Variants in CACNA1D observed in about 807,000 individuals in gnomAD.
CACNA1D encodes voltage-dependent L-type calcium channel subunit alpha-1D.
A neutral mutation model predicts 257.1 loss-of-function variants in CACNA1D; 55 were observed. The ratio of observed to expected loss-of-function variants is 0.21; its 90% CI spans 0.17 to 0.27. The LOEUF is 0.27. Ranked by LOEUF, CACNA1D falls within the 10% of genes least tolerant of loss-of-function variation. The pLI is 1.00. For missense variants in CACNA1D, 1,876 were observed against 2,784.0 expected, an observed-to-expected ratio of 0.67 and a Z score of 7.34; for synonymous variants, 980 against 1,014.9, an observed-to-expected ratio of 0.97 and a Z score of 0.65.
intron 20 of CACNA1D, among the ~76,000 whole-genome samples, chr3:53,737,887 T>C (rs11915963): frequency 0.081 from 12,404 of 152,268 alleles, 607 homozygotes; most frequent in Middle Eastern, 0.13. Flanking sequence ...TTTTGTAACT[T>C]AGAGATGGTG....
chr3:53,724,094 A>T, intron 14 of CACNA1D, 95 bp downstream of exon 14: 2 of 1,035,438 alleles, frequency 1.9e-6, no homozygotes, highest in Non-Finnish European at 3.0e-6. Context: ...AGACAAAAGG[A>T]CTCCATTTTT....
rs1251179916 is a variant in CACNA1D at position 53,535,577 on chromosome 3, A to G, written c.483+33857A>G. On this transcript the variant is annotated intron_variant, in intron 3 of 47. Transcript: ENST00000350061. ...AGCTCTGCATTGGATGGATCTTCTT[A>G]ATGTTTTCTGTGGAGTGGAATTAGA... Among the ~76,000 whole-genome samples the G allele has an allele frequency of 2.2e-4, 33 of 152,148 alleles. 1 individual carries two copies. The highest frequency in any genetic ancestry group is 2.2e-3 in the Admixed American group (33 of 15,268).
At chr3:53,687,394 G>C (rs990646897) in intron 8 of CACNA1D, among the ~76,000 whole-genome samples, 2 of 151,962 alleles carry the variant, frequency 1.3e-5, no homozygotes, top group African/African-American at 4.8e-5. Flanking sequence ...TACAATGTTT[G>C]ACATAAAGAT....
At chr3:53,635,614 C>T (rs79393204) in intron 3 of CACNA1D, among the ~76,000 whole-genome samples, 12,562 of 152,136 alleles carry the variant, frequency 0.083, 600 homozygotes, top group African/African-American at 0.085. Flanking sequence ...GTTTCAGCCT[C>T]TCCAGCTCCT....
Position 53,811,163 on chromosome 3 carries a change from G to A in CACNA1D, c.6243G>A (p.Val2081=). The A allele has an allele frequency of 1.9e-6, 3 of 1,614,106 alleles. No homozygotes were observed. The highest frequency in any genetic ancestry group is 2.5e-6 in the Non-Finnish European group (3 of 1,179,996). Residue 2081 remains valine (V), a synonymous_variant, in exon 48 of 48, where the codon GTG becomes GTA. Transcript: ENST00000350061. This position sits in a 1 kb window ranked among gnomAD's most constrained non-coding sequence, Gnocchi z 4.2. Reference sequence around the variant, plus strand: ...GCTATGCAAGGGACCCAAAATTTGTGTCAGCAACAAAACACGAAATCGCTG... The same window carrying A: ...GCTATGCAAGGGACCCAAAATTTGTATCAGCAACAAAACACGAAATCGCTG... ...LGRYARDPKF[V]SATKHEIADA... is the part of the protein sequence containing the mutation.
At chr3:53,552,415 CTG>C (rs1356678509) in intron 3 of CACNA1D, among the ~76,000 whole-genome samples, 1 of 152,126 alleles carries the variant, frequency 6.6e-6, no homozygotes, top group East Asian at 1.9e-4. Flanking sequence ...GAGTCTCGCT[CTG>C]TTGCCCAGGC....
chr3:53,742,173 G>A (rs2108822859), intron 21 of CACNA1D, among the ~76,000 whole-genome samples: 1 of 152,328 alleles, frequency 6.6e-6, no homozygotes, highest in African/African-American at 2.4e-5. Context: ...GTCAAAAAGG[G>A]TTGAACACTG....
intron 3 of CACNA1D, among the ~76,000 whole-genome samples, chr3:53,610,842 A>G (rs189230127): frequency 1.4e-4 from 22 of 152,108 alleles, no homozygotes; most frequent in Admixed American, 1.4e-3. Context: ...AGGGCTCTTC[A>G]TTTCTTTGCA....
At chr3:53,672,548 T>C (rs990864475) in intron 7 of CACNA1D, among the ~76,000 whole-genome samples, 1 of 152,198 alleles carries the variant, frequency 6.6e-6, no homozygotes, top group Non-Finnish European at 1.5e-5. Context: ...ATTAAGACTT[T>C]TCCACCATCA....
At chr3:53,566,435 G>T (rs1433631651) in intron 3 of CACNA1D, among the ~76,000 whole-genome samples, 3 of 152,054 alleles carry the variant, frequency 2.0e-5, no homozygotes, top group Admixed American at 6.6e-5. Context: ...TCTTCTCAGA[G>T]AGGTCCTCCC....
At chr3:53,738,415 A>G (rs2095080171) in intron 20 of CACNA1D, among the ~76,000 whole-genome samples, 1 of 152,188 alleles carries the variant, frequency 6.6e-6, no homozygotes, top group Non-Finnish European at 1.5e-5. Context: ...GGTTTTTGTT[A>G]GAGAGGGTTT....
intron 3 of CACNA1D, among the ~76,000 whole-genome samples, chr3:53,612,169 C>T (rs934653597): frequency 6.6e-6 from 1 of 151,992 alleles, no homozygotes; most frequent in Non-Finnish European, 1.5e-5. Flanking sequence ...ATTCTATTAC[C>T]TCCTCATTTC....
intron 39 of CACNA1D, chr3:53,786,538 C>T (rs2095453768): frequency 2.4e-6 from 1 of 411,686 alleles, no homozygotes; most frequent in South Asian, 2.6e-5. Flanking sequence ...CATAGTGTTA[C>T]TAATATGCTG....
intron 3 of CACNA1D, among the ~76,000 whole-genome samples, chr3:53,639,260 C>T (rs1175821096): frequency 6.6e-6 from 1 of 152,104 alleles, no homozygotes; most frequent in Non-Finnish European, 1.5e-5. Context: ...AATTCTCCAC[C>T]TATCTTACTC....
At chr3:53,563,764 A>G (rs887608448) in intron 3 of CACNA1D, among the ~76,000 whole-genome samples, 21 of 152,148 alleles carry the variant, frequency 1.4e-4, no homozygotes, top group African/African-American at 5.1e-4. Flanking sequence ...ACCATGATCT[A>G]TCTATACTTT....
At chr3:53,799,258 T>C (rs1195566246) in intron 40 of CACNA1D, among the ~76,000 whole-genome samples, 1 of 152,238 alleles carries the variant, frequency 6.6e-6, no homozygotes, top group Non-Finnish European at 1.5e-5. Flanking sequence ...TAACTCAGCA[T>C]ACTGTTTTCC....
intron 3 of CACNA1D, among the ~76,000 whole-genome samples, chr3:53,588,637 G>C (rs144165865): frequency 2.5e-4 from 38 of 152,318 alleles, no homozygotes; most frequent in African/African-American, 8.9e-4. Flanking sequence ...TTCCCTGAGA[G>C]CAGCAAAGGC....
At chr3:53,533,917 G>A (rs961501712) in intron 3 of CACNA1D, among the ~76,000 whole-genome samples, 25 of 152,250 alleles carry the variant, frequency 1.6e-4, no homozygotes, top group Non-Finnish European at 7.3e-5. Flanking sequence ...TAGCATCATC[G>A]TTAATAATTA....
chr3:53,682,141 T>C (rs1330349751), intron 8 of CACNA1D, among the ~76,000 whole-genome samples: 2 of 152,080 alleles, frequency 1.3e-5, no homozygotes, highest in Non-Finnish European at 2.9e-5. Flanking sequence ...CTAAAAATTA[T>C]GCTGTATTCT....
Sources: gnomAD v4.1 joint callset for allele counts (sites outside exome capture counted in the v4.1 genomes callset) on GRCh38, gnomAD v4.1.1 for gene constraint, Gnocchi (gnomAD v3.1) non-coding constraint, MANE v1.5 for transcripts, NCBI Gene and HGNC (gene_info 2026-07-23, HGNC 2026-07-21) for gene names.